Variants in PRKG1 observed in about 807,000 individuals in gnomAD.
PRKG1 encodes the protein cGMP-dependent protein kinase 1.
Under a neutral mutation model 88.1 loss-of-function variants are expected in PRKG1, and 35 were observed. That is an observed-to-expected ratio of 0.40 (90% CI 0.30 to 0.53). The LOEUF (loss-of-function observed/expected upper bound fraction) is 0.53. Among genes scored for constraint, PRKG1 ranks in the 20% least tolerant of loss-of-function variants. The pLI is 0.59. For missense variants in PRKG1, 540 were observed against 839.8 expected (o/e 0.64, Z 4.41); for synonymous variants, 303 against 292.5 (o/e 1.04, Z -0.37).
At chr10:51,681,805 G>A (rs1840857406) in intron 3 of PRKG1, among the ~76,000 whole-genome samples, 1 of 152,080 alleles carries the variant, frequency 6.6e-6, no homozygotes, top group East Asian at 1.9e-4. Context: ...ACATTTTGAT[G>A]CATTTATTCT....
At chr10:52,289,186 G>A (rs1341706785) in intron 16 of PRKG1, among the ~76,000 whole-genome samples, 193 bp downstream of exon 16, 1 of 152,062 alleles carries the variant, frequency 6.6e-6, no homozygotes, top group Non-Finnish European at 1.5e-5. Context: ...TGACAACCCT[G>A]TAACATAAGA....
At chr10:51,735,003 A>G (rs1335309108) in intron 3 of PRKG1, among the ~76,000 whole-genome samples, 1 of 152,208 alleles carries the variant, frequency 6.6e-6, no homozygotes, top group Non-Finnish European at 1.5e-5. Context: ...GAGATATTCA[A>G]TAAAAATCCC....
chr10:51,127,142 C>T lies in PRKG1; in HGVS notation c.312-26022C>T, dbSNP rs891237885. On this transcript the variant is annotated intron_variant, in intron 1 of 17. Coordinates refer to ENST00000373980, the MANE Select transcript of PRKG1 (RefSeq NM_006258.4). Reference sequence around the variant, plus strand: ...CTAATTAAACTAAAGCGCTTCTACACGGCAAAATAAATTATCATCAGGGTG... The same window carrying T: ...CTAATTAAACTAAAGCGCTTCTACATGGCAAAATAAATTATCATCAGGGTG... 8.5e-5 allele frequency among the ~76,000 whole-genome samples: 13 copies of T among 152,150 alleles called. No individual in the cohort carries two copies. The Middle Eastern group carries it at 0.01, about 119-fold the overall frequency.
intron 1 of PRKG1, among the ~76,000 whole-genome samples, chr10:51,067,345 C>T (rs567639397): frequency 1.3e-5 from 2 of 151,014 alleles, no homozygotes; most frequent in South Asian, 4.2e-4. Flanking sequence ...AAAAATAGAC[C>T]AAACATGGAA....
chr10:51,342,521 C>G (rs1842024503), intron 2 of PRKG1, among the ~76,000 whole-genome samples: 1 of 152,002 alleles, frequency 6.6e-6, no homozygotes, highest in African/African-American at 2.4e-5. Flanking sequence ...GTTTGTTTGC[C>G]AATTCAGTAT....
chr10:51,548,622 A>G (rs141101116), intron 3 of PRKG1, among the ~76,000 whole-genome samples: 1 of 152,264 alleles, frequency 6.6e-6, no homozygotes, highest in African/African-American at 2.4e-5. Flanking sequence ...TGAGATTATC[A>G]GCTGATTCCT....
intron 3 of PRKG1, among the ~76,000 whole-genome samples, chr10:51,472,550 A>T (rs1162521507): frequency 6.6e-6 from 1 of 151,982 alleles, no homozygotes; most frequent in Non-Finnish European, 1.5e-5. Context: ...GGAGTCATTG[A>T]TGAAGTTCTT....
chr10:51,865,989 C>T lies in PRKG1; in HGVS notation c.699-41518C>T, dbSNP rs188995972. ...ATGTGTATATTATTTCATTCTCAGT[C>T]GTATGTATCATTATCCCAGGGATTT... On this transcript the variant is annotated intron_variant, in intron 4 of 17. Coordinates refer to ENST00000373980, the MANE Select transcript of PRKG1 (RefSeq NM_006258.4). Among the ~76,000 whole-genome samples the T allele has an allele frequency of 1.5e-3, 232 of 151,894 alleles. 2 individuals are homozygous for T. Among genetic ancestry groups the T allele is most frequent in the African/African-American group, 5.3e-3 (218 of 41,478 alleles).
chr10:51,092,157 T>C (rs1413647047), intron 1 of PRKG1, among the ~76,000 whole-genome samples: 2 of 152,096 alleles, frequency 1.3e-5, no homozygotes, highest in Non-Finnish European at 2.9e-5. Flanking sequence ...CAGAGAGCTG[T>C]TTGTGAAATG....
intron 4 of PRKG1, among the ~76,000 whole-genome samples, chr10:51,884,349 G>A (rs1173272653): frequency 7.0e-6 from 1 of 142,946 alleles, no homozygotes; most frequent in Non-Finnish European, 1.5e-5. Context: ...GGAGGCTGAG[G>A]CAGGAGAATG....
At chr10:52,183,714 G>T (rs1363203271) in intron 9 of PRKG1, among the ~76,000 whole-genome samples, 1 of 152,206 alleles carries the variant, frequency 6.6e-6, no homozygotes, top group Non-Finnish European at 1.5e-5. Flanking sequence ...CTGGTCTCAA[G>T]ATGGTGCCAT....
chr10:51,938,628 A>G (rs745587181), intron 5 of PRKG1, among the ~76,000 whole-genome samples: 11 of 151,510 alleles, frequency 7.3e-5, no homozygotes, highest in Non-Finnish European at 1.5e-5. Context: ...CTTCTTTCTT[A>G]CTCACCCCTC....
intron 9 of PRKG1, among the ~76,000 whole-genome samples, chr10:52,168,880 A>G (rs545329448): frequency 5.4e-4 from 82 of 152,292 alleles, no homozygotes; most frequent in African/African-American, 1.9e-3. Flanking sequence ...TATGGTTCCC[A>G]GGTTTGGAGA....
At chr10:51,665,968 G>A (rs1295408731) in intron 3 of PRKG1, among the ~76,000 whole-genome samples, 2 of 151,794 alleles carry the variant, frequency 1.3e-5, no homozygotes, top group Non-Finnish European at 2.9e-5. Flanking sequence ...ACAACACAAG[G>A]GAAAGCAATG....
Position 51,604,931 on chromosome 10 carries a change from G to A in PRKG1, c.592+137095G>A, listed in dbSNP as rs146681496. 1.7e-3 allele frequency among the ~76,000 whole-genome samples: 262 copies of A among 152,334 alleles called. 1 individual carries two copies. Among genetic ancestry groups the A allele is most frequent in the African/African-American group, 6.1e-3 (252 of 41,584 alleles). On this transcript the variant is annotated intron_variant, in intron 3 of 17. Transcript: ENST00000373980. The stretch of plus-strand genomic sequence containing the variant: ...ACAGGGGGCCATTGTGACAGCCTGA[G>A]TTCTTGCCCAATGTACTGGAAGAAT...
intron 5 of PRKG1, among the ~76,000 whole-genome samples, chr10:51,986,497 TAGG>T (rs1399865144): frequency 6.6e-6 from 1 of 152,176 alleles, no homozygotes; most frequent in Non-Finnish European, 1.5e-5. Context: ...CTGGGCAAAG[TAGG>T]AGAACATTAT....
chr10:51,682,494 C>T (rs949007312), intron 3 of PRKG1, among the ~76,000 whole-genome samples: 2 of 152,140 alleles, frequency 1.3e-5, no homozygotes, highest in Non-Finnish European at 2.9e-5. Flanking sequence ...TTTCTCAATG[C>T]CTGGAGAAGC....
At chr10:51,457,909 C>A (rs773200818) in intron 2 of PRKG1, among the ~76,000 whole-genome samples, 2 of 152,122 alleles carry the variant, frequency 1.3e-5, no homozygotes, top group African/African-American at 4.8e-5. Flanking sequence ...GTCTGGGTAG[C>A]GACTTTCAAA....
At chr10:52,251,512 G>T (rs545132412) in intron 9 of PRKG1, 58 bp from the exon 10 acceptor site, 27 of 1,252,400 alleles carry the variant, frequency 2.2e-5, no homozygotes, top group Non-Finnish European at 3.1e-5. Context: ...ACAGATGTAC[G>T]TGGTACTCGT....
Sources: allele counts gnomAD v4.1 joint callset (sites outside exome capture counted in the v4.1 genomes callset), GRCh38; gene constraint gnomAD v4.1.1; transcripts MANE v1.5; gene names NCBI Gene and HGNC (gene_info 2026-07-23, HGNC 2026-07-21).